The following BMP5 variants were observed in gnomAD, a reference collection of about 807,000 sequenced individuals.
BMP5 encodes bone morphogenetic protein 5.
Under a neutral mutation model 46.6 loss-of-function variants are expected in BMP5, and 23 were observed. That is an observed-to-expected ratio of 0.49 (90% CI 0.35 to 0.70). BMP5 has a LOEUF of 0.70. Among genes scored for constraint, BMP5 ranks in the 30% least tolerant of loss-of-function variants. BMP5 has a pLI of 0.00. For missense variants in BMP5, 545 were observed against 565.6 expected (o/e 0.96, Z 0.37); for synonymous variants, 204 against 191.9 (o/e 1.06, Z -0.52).
At position 55,874,928 on chromosome 6, in the gene BMP5, C is replaced by T. The variant is rs929710366; in HGVS notation, c.-63G>A. Reference sequence around the variant, plus strand: ...CTTGTCCTCTTAAAAAAAAAAAAAACCTAAGGTTCTAGGAGGTACAGTTTC... The same window carrying T: ...CTTGTCCTCTTAAAAAAAAAAAAAATCTAAGGTTCTAGGAGGTACAGTTTC... On this transcript the variant is annotated 5_prime_UTR_variant, in exon 1 of 7. Coordinates refer to ENST00000370830, the MANE Select transcript of BMP5 (RefSeq NM_021073.4). 7.5e-7 allele frequency: 1 copy of T among 1,337,938 alleles called. No individual in the cohort carries two copies. The highest frequency in any genetic ancestry group is 1.5e-5 in the African/African-American group (1 of 66,578). 82.9% of individuals were successfully genotyped at this position (1,337,938 alleles called of 1,614,324 possible). A position where few individuals can be genotyped will look rare whatever the true frequency, so the allele number is the denominator to read the frequency against.
At chr6:55,850,354 G>GTAGA (rs57677270) in intron 1 of BMP5, among the ~76,000 whole-genome samples, 18,362 of 83,104 alleles carry the variant, frequency 0.22, 1,126 homozygotes, top group Admixed American at 0.25. Flanking sequence ...AGGTAAGTAG[G>GTAGA]TAGATAGATA....
At chr6:55,797,609 C>CTTTT (rs1317753532) in intron 2 of BMP5, among the ~76,000 whole-genome samples, 2 of 134,544 alleles carry the variant, frequency 1.5e-5, no homozygotes, top group Admixed American at 7.6e-5. Flanking sequence ...TGATTATTTT[C>CTTTT]TTTTCTTTTT....
intron 1 of BMP5, among the ~76,000 whole-genome samples, chr6:55,862,664 CTT>C (rs1777549475): frequency 1.3e-5 from 2 of 152,272 alleles, no homozygotes; most frequent in East Asian, 1.9e-4. Context: ...TTGAGACACA[CTT>C]ATATTTTGGA....
intron 1 of BMP5, among the ~76,000 whole-genome samples, chr6:55,860,729 G>A (rs1473166155): frequency 6.6e-6 from 1 of 152,172 alleles, no homozygotes; most frequent in Non-Finnish European, 1.5e-5. Context: ...ACGTCAGTAT[G>A]TTAACAACTG....
intron 1 of BMP5, among the ~76,000 whole-genome samples, chr6:55,840,272 T>C (rs1294230274): frequency 2.0e-5 from 3 of 152,172 alleles, no homozygotes; most frequent in Non-Finnish European, 4.4e-5. Context: ...TGTAGGTTTT[T>C]CTTAGGACTT....
At chr6:55,817,483 A>G (rs1776302952) in intron 2 of BMP5, among the ~76,000 whole-genome samples, 1 of 152,156 alleles carries the variant, frequency 6.6e-6, no homozygotes, top group Admixed American at 6.5e-5. Context: ...CATCATTCCC[A>G]GCAAACTATC....
At chr6:55,858,519 G>A (rs1185679281) in intron 1 of BMP5, among the ~76,000 whole-genome samples, 2 of 151,928 alleles carry the variant, frequency 1.3e-5, no homozygotes, top group Non-Finnish European at 2.9e-5. Context: ...AATCTCAGAA[G>A]AAACACAAAT....
chr6:55,809,184 G>A (rs1234225035), intron 2 of BMP5, among the ~76,000 whole-genome samples: 1 of 152,000 alleles, frequency 6.6e-6, no homozygotes, highest in Non-Finnish European at 1.5e-5. Flanking sequence ...AAAATCTATT[G>A]CAAGGATAAA....
At chr6:55,781,243 A>T (rs564417363) in intron 3 of BMP5, among the ~76,000 whole-genome samples, 1 of 152,260 alleles carries the variant, frequency 6.6e-6, no homozygotes, top group Admixed American at 6.5e-5. Flanking sequence ...AATCATGAGA[A>T]CAGTGAATTA....
chr6:55,788,231 C>A (rs1044214769), intron 3 of BMP5, among the ~76,000 whole-genome samples: 35 of 151,744 alleles, frequency 2.3e-4, no homozygotes, highest in African/African-American at 8.0e-4. Context: ...TTACGAAAAG[C>A]TTGTTTCCCT....
At chr6:55,861,216 A>T (rs772600124) in intron 1 of BMP5, among the ~76,000 whole-genome samples, 1 of 152,214 alleles carries the variant, frequency 6.6e-6, no homozygotes, top group Non-Finnish European at 1.5e-5. Context: ...CCACTTTAGT[A>T]GGTTTCTACT....
At chr6:55,827,169 T>C (rs1284404516) in intron 1 of BMP5, among the ~76,000 whole-genome samples, 1 of 151,782 alleles carries the variant, frequency 6.6e-6, no homozygotes, top group African/African-American at 2.4e-5. Flanking sequence ...TCAGCTTGTA[T>C]TATGAGATGG....
chr6:55,844,923 A>G (rs942069286), intron 1 of BMP5, among the ~76,000 whole-genome samples: 1 of 152,042 alleles, frequency 6.6e-6, no homozygotes, highest in South Asian at 2.1e-4. Flanking sequence ...TGACATGTTT[A>G]ATTCATTTTA....
chr6:55,760,429 AG>A lies in BMP5; in HGVS notation c.1104+27del, dbSNP rs751184349. 5 of 1,596,402 alleles carry A rather than the reference AG, an allele frequency of 3.1e-6. No homozygotes were observed. The African/African-American group carries it at 6.7e-5, about 21-fold the overall frequency. ...AGGATTTATGATAATTCAGAAAAGAAGCACCAAAGTTGACTGAAAATTCCTA... is the reference window on the plus strand; with the variant it reads ...AGGATTTATGATAATTCAGAAAAGAACACCAAAGTTGACTGAAAATTCCTA... On this transcript the variant is annotated intron_variant, in intron 5 of 6. Transcript: ENST00000370830.
At chr6:55,761,196 A>G (rs1284877764) in intron 4 of BMP5, among the ~76,000 whole-genome samples, 1 of 151,988 alleles carries the variant, frequency 6.6e-6, no homozygotes, top group African/African-American at 2.4e-5. Flanking sequence ...TATCTTCAAT[A>G]AGTCCAAAAT....
intron 2 of BMP5, among the ~76,000 whole-genome samples, chr6:55,801,170 G>A (rs1024810278): frequency 6.6e-6 from 1 of 152,160 alleles, no homozygotes; most frequent in Non-Finnish European, 1.5e-5. Context: ...ATTAGGGTTG[G>A]CTGCAAAGGA....
intron 2 of BMP5, among the ~76,000 whole-genome samples, chr6:55,796,533 G>T (rs1263911862): frequency 6.6e-6 from 1 of 151,116 alleles, no homozygotes; most frequent in Admixed American, 6.6e-5. Context: ...AAGTTTTAGG[G>T]TCCATGTGCA....
At chr6:55,859,013 G>A (rs1369158391) in intron 1 of BMP5, among the ~76,000 whole-genome samples, 1 of 152,104 alleles carries the variant, frequency 6.6e-6, no homozygotes, top group South Asian at 2.1e-4. Context: ...AAATGCATGC[G>A]GGGCTTAAAA....
intron 1 of BMP5, among the ~76,000 whole-genome samples, chr6:55,828,923 A>G (rs1036895443): frequency 2.6e-5 from 4 of 151,866 alleles, no homozygotes; most frequent in African/African-American, 9.7e-5. Flanking sequence ...TTTTGCAAAA[A>G]GACAAACTAT....
Sources: allele counts gnomAD v4.1 joint callset (sites outside exome capture counted in the v4.1 genomes callset), GRCh38; gene constraint gnomAD v4.1.1; transcripts MANE v1.5; gene names NCBI Gene and HGNC (gene_info 2026-07-23, HGNC 2026-07-21).